The following CEP162 variants were observed in gnomAD, a reference collection of about 807,000 sequenced individuals.
CEP162 encodes centrosomal protein of 162 kDa.
In CEP162, 141 loss-of-function variants were observed where a neutral mutation model predicts 169.2. The observed-to-expected ratio is 0.83, with a 90% CI of 0.73 to 0.96. CEP162 has a LOEUF of 0.96. Among genes scored for constraint, CEP162 ranks in the 40% least tolerant of loss-of-function variants. The pLI is 0.00. For missense variants in CEP162, 1,600 were observed against 1,587.2 expected (o/e 1.01, Z -0.14); for synonymous variants, 540 against 526.4 (o/e 1.03, Z -0.35).
chr6:84,141,774 C>T (rs1227812159), intron 25 of CEP162, among the ~76,000 whole-genome samples: 2 of 152,188 alleles, frequency 1.3e-5, no homozygotes, highest in Non-Finnish European at 2.9e-5. Context: ...TGTACCTACA[C>T]TCCACCTACT....
In CEP162 at chr6:84,185,454, C is replaced by T. The variant is rs2099536757; in HGVS notation, c.1402-6G>A. On this transcript the variant is annotated splice_region_variant and splice_polypyrimidine_tract_variant and intron_variant, in intron 12 of 26. Transcript: ENST00000403245. ...CTAAGTTGAGATCTGTAAGTCTGTA[C>T]ACAACAAACAAAAGCTCTTTAGTAC... The T allele has an allele frequency of 3.7e-6, 6 of 1,600,830 alleles. No individual in the cohort carries two copies. The East Asian group carries it at 9.0e-5, about 24-fold the overall frequency.
chr6:84,144,662 T>C (rs540635554), intron 25 of CEP162, among the ~76,000 whole-genome samples: 21 of 152,200 alleles, frequency 1.4e-4, no homozygotes, highest in Admixed American at 7.9e-4. Context: ...AATGAAAAGA[T>C]TGATTGGTTC....
chr6:84,144,743 T>C (rs1188826917), intron 25 of CEP162, among the ~76,000 whole-genome samples: 5 of 152,134 alleles, frequency 3.3e-5, no homozygotes. Flanking sequence ...TGATGAAGAA[T>C]TCTTTTTAGG....
rs2099521681 is a variant in CEP162 at position 84,152,904 on chromosome 6, G to A, written c.3270C>T (p.Leu1090=). 2.5e-6 allele frequency: 4 copies of A among 1,613,510 alleles called. No homozygotes were observed. The highest frequency in any genetic ancestry group is 2.2e-5 in the East Asian group (1 of 44,876). ...QAHAKAKLVR[L]NEELAAKKRE... ...TCTTTTTTGCAGCCAGTTCTTCATTGAGTCTTACTAATTTAGCTTTAGCAT... is the reference window on the plus strand; with the variant it reads ...TCTTTTTTGCAGCCAGTTCTTCATTAAGTCTTACTAATTTAGCTTTAGCAT... Residue 1090 remains leucine (L), a synonymous_variant, in exon 23 of 27, where the codon CTC becomes CTT. Coordinates refer to ENST00000403245, the MANE Select transcript of CEP162 (RefSeq NM_014895.4).
At chr6:84,152,361 A>G (rs1186955589) in intron 23 of CEP162, among the ~76,000 whole-genome samples, 184 bp downstream of exon 23, 1 of 152,180 alleles carries the variant, frequency 6.6e-6, no homozygotes, top group East Asian at 1.9e-4. Context: ...AATTTGGGCC[A>G]CCAGCAGGTA....
intron 11 of CEP162, among the ~76,000 whole-genome samples, chr6:84,192,706 A>G (rs1475101074): frequency 6.6e-6 from 1 of 152,244 alleles, no homozygotes; most frequent in Non-Finnish European, 1.5e-5. Context: ...ATTTCACAGA[A>G]GTATTTTATG....
At chr6:84,226,557 A>C in intron 1 of CEP162, 105 bp from the exon 2 acceptor site, 2 of 593,558 alleles carry the variant, frequency 3.4e-6, no homozygotes, top group South Asian at 4.2e-5. Context: ...TATATGCACA[A>C]TTTTTTTTAA....
rs2099508188 is a variant in CEP162 at position 84,124,597 on chromosome 6, AG to A, written c.*472del. ...CAATAGGGGAAAGAGTGTGAGCGGC[AG>A]TAAGCGTTGAAAAATTACCTGTTGG... is the stretch of plus-strand genomic sequence containing the variant. On this transcript the variant is annotated 3_prime_UTR_variant, in exon 27 of 27. Transcript: ENST00000403245. 5.5e-6 allele frequency: 1 copy of A among 180,190 alleles called. No individual in the cohort carries two copies. The highest frequency in any genetic ancestry group is 1.1e-5 in the Non-Finnish European group (1 of 88,738). The allele number at this position is 180,190 out of a possible 1,614,324, so 11.2% of individuals were successfully genotyped here.
intron 13 of CEP162, among the ~76,000 whole-genome samples, chr6:84,176,396 T>A (rs888363902): frequency 2.0e-5 from 3 of 152,152 alleles, no homozygotes; most frequent in Admixed American, 2.0e-4. Flanking sequence ...TCTGGAGAAA[T>A]TTCTAAAAGT....
Position 84,194,951 on chromosome 6 carries a change from CTT to C in CEP162, c.958_959del (p.Lys320GlufsTer11). 2 of 1,613,552 alleles carry C rather than the reference CTT, an allele frequency of 1.2e-6. No individual in the cohort carries two copies. The highest frequency in any genetic ancestry group is 1.7e-6 in the Non-Finnish European group (2 of 1,179,688). ...CTTGAGGATGACCTTTCACTGAGCT[CTT>C]GATATCTTCCACTGTGTTACTCTCA... ...KIESNTVEDIKSSVKGHPQEN... is the reference protein window; with the variant it reads ...KIESNTVEDIXSSVKGHPQEN... On this transcript the variant is annotated frameshift_variant, in exon 10 of 27. Transcript: ENST00000403245. LOFTEE classifies it high-confidence loss of function.
chr6:84,164,695 G>A (rs762112055), intron 18 of CEP162, among the ~76,000 whole-genome samples: 3 of 152,016 alleles, frequency 2.0e-5, no homozygotes, highest in Non-Finnish European at 2.9e-5. Context: ...GGTACCTGTC[G>A]GGGGGTGAGG....
At chr6:84,181,272 A>G (rs994680125) in intron 13 of CEP162, among the ~76,000 whole-genome samples, 172 of 152,332 alleles carry the variant, frequency 1.1e-3, no homozygotes, top group Non-Finnish European at 1.8e-3. Flanking sequence ...TATTTAATAA[A>G]TGGTGCTGGG....
intron 25 of CEP162, among the ~76,000 whole-genome samples, chr6:84,140,722 G>A (rs746966011): frequency 2.0e-5 from 3 of 151,932 alleles, no homozygotes; most frequent in Admixed American, 6.6e-5. Context: ...ATGATGTCTC[G>A]TCATATTGCC....
chr6:84,145,229 A>T (rs1315613709), intron 25 of CEP162, among the ~76,000 whole-genome samples: 1 of 152,106 alleles, frequency 6.6e-6, no homozygotes, highest in Non-Finnish European at 1.5e-5. Flanking sequence ...AGAGAAAGGA[A>T]TTTACCTGGA....
intron 15 of CEP162, 23 bp downstream of exon 15, chr6:84,174,703 AT>A: frequency 9.3e-7 from 1 of 1,080,000 alleles, no homozygotes; most frequent in Non-Finnish European, 1.3e-6. Context: ...ATATAAAAAA[AT>A]ACCAGAACAA....
chr6:84,222,141 G>A (rs1248911343), intron 2 of CEP162, among the ~76,000 whole-genome samples: 1 of 151,642 alleles, frequency 6.6e-6, no homozygotes, highest in Non-Finnish European at 1.5e-5. Flanking sequence ...CCAACTCCTT[G>A]AGTTCACTTA....
intron 22 of CEP162, among the ~76,000 whole-genome samples, chr6:84,153,853 G>A (rs536995266): frequency 4.6e-5 from 7 of 152,258 alleles, no homozygotes; most frequent in Admixed American, 2.6e-4. Context: ...CATGGCAGCA[G>A]CTACAACGTC....
intron 1 of CEP162, among the ~76,000 whole-genome samples, chr6:84,226,790 A>G (rs1232514233): frequency 6.6e-6 from 1 of 152,202 alleles, no homozygotes; most frequent in Non-Finnish European, 1.5e-5. Context: ...GGAATCTTAA[A>G]AACTGTAAGT....
intron 3 of CEP162, 144 bp from the exon 4 acceptor site, chr6:84,216,066 C>T: frequency 2.1e-6 from 2 of 941,018 alleles, no homozygotes; most frequent in Non-Finnish European, 3.0e-6. Flanking sequence ...ATCCATCAGA[C>T]CTAACACTCA....
Sources: allele counts gnomAD v4.1 joint callset (sites outside exome capture counted in the v4.1 genomes callset), GRCh38; gene constraint gnomAD v4.1.1; transcripts MANE v1.5; gene names NCBI Gene and HGNC (gene_info 2026-07-23, HGNC 2026-07-21).